The following FMO3 variants were observed in gnomAD, a reference collection of about 807,000 sequenced individuals.
The protein encoded by FMO3 is flavin containing dimethylaniline monoxygenase 3, also known as flavin-containing monooxygenase 3.
Under a neutral mutation model 39.4 loss-of-function variants are expected in FMO3, and 40 were observed. The ratio of observed to expected loss-of-function variants is 1.02; its 90% confidence interval spans 0.79 to 1.32. The LOEUF (loss-of-function observed/expected upper bound fraction) is 1.32. FMO3 is among the 40% of genes most tolerant of loss of function. The pLI, the probability that FMO3 is intolerant of heterozygous loss-of-function variation, is 0.00. For missense variants in FMO3, 680 were observed against 651.8 expected, an observed-to-expected ratio of 1.04 and a Z score of -0.47; for synonymous variants, 219 against 228.8, an observed-to-expected ratio of 0.96 and a Z score of 0.39.
chr1:171,110,178 C>T (rs973227564), intron 5 of FMO3, among the ~76,000 whole-genome samples: 3 of 152,126 alleles, frequency 2.0e-5, no homozygotes, highest in East Asian at 3.9e-4. Flanking sequence ...GGAGAGCCAG[C>T]GTTTGAGCGT....
chr1:171,107,419 T>C (rs779127358), intron 3 of FMO3, among the ~76,000 whole-genome samples: 6 of 152,194 alleles, frequency 3.9e-5, no homozygotes, highest in Middle Eastern at 3.2e-3. Context: ...TAAATTATAA[T>C]TGAATTCACT....
intron 2 of FMO3, among the ~76,000 whole-genome samples, chr1:171,098,090 C>G (rs1655187818): frequency 6.6e-6 from 1 of 152,172 alleles, no homozygotes; most frequent in African/African-American, 2.4e-5. Context: ...TGTCAAAGAT[C>G]AGATAGTTGT....
At chr1:171,099,216 G>C (rs999582367) in intron 2 of FMO3, among the ~76,000 whole-genome samples, 1 of 152,176 alleles carries the variant, frequency 6.6e-6, no homozygotes, top group African/African-American at 2.4e-5. Context: ...TTTTGAATGA[G>C]TTTCTTAATC....
rs760686614 is a variant in FMO3 at position 171,117,229 on chromosome 1, T to C, written c.1386T>C (p.Tyr462=). 1 of 1,614,164 alleles carries C rather than the reference T, an allele frequency of 6.2e-7. No individual in the cohort carries two copies. Among genetic ancestry groups the C allele is most frequent in the Admixed American group, 1.7e-5 (1 of 60,016 alleles). Residue 462 remains tyrosine (Y), a synonymous_variant, in exon 9 of 9, where the codon TAT becomes TAC. Transcript: ENST00000367755. ...ATCCCAAATTGGCCATGGAAGTTTA[T>C]TTTGGCCCTTGTAGTCCCTACCAGT... The part of the protein sequence containing the change: ...LTDPKLAMEV[Y]FGPCSPYQFR...
At chr1:171,115,232 A>C (rs1291774800) in intron 7 of FMO3, among the ~76,000 whole-genome samples, 3 of 152,168 alleles carry the variant, frequency 2.0e-5, no homozygotes, top group African/African-American at 7.2e-5. Context: ...AAACAAGGCA[A>C]TTTATGGGGA....
intron 2 of FMO3, among the ~76,000 whole-genome samples, chr1:171,102,637 A>C (rs560816032): frequency 1.3e-5 from 2 of 152,168 alleles, no homozygotes; most frequent in South Asian, 4.1e-4. Context: ...ACTTGCTGTC[A>C]ATTAAATCAA....
chr1:171,103,750 C>CCAATTCGCT, intron 2 of FMO3, 35 bp from the exon 3 acceptor site: 1 of 1,534,658 alleles, frequency 6.5e-7, no homozygotes, highest in African/African-American at 1.4e-5. Flanking sequence ...TACTCATTTA[C>CCAATTCGCT]CAATTCGCTT....
At chr1:171,115,814 G>T (rs116805194) in intron 7 of FMO3, among the ~76,000 whole-genome samples, 2,217 of 152,120 alleles carry the variant, frequency 0.015, 21 homozygotes, top group Middle Eastern at 0.041. Flanking sequence ...CACCAAATTC[G>T]ATATCTTATC....
At position 171,092,799 on chromosome 1, in the gene FMO3, C is replaced by G. The variant is rs377754673; in HGVS notation, c.132+9C>G. On this transcript the variant is annotated intron_variant, in intron 2 of 8. Coordinates refer to ENST00000367755, the MANE Select transcript of FMO3 (RefSeq NM_001002294.3). The stretch of plus-strand genomic sequence containing the variant: ...GCCTGTGGAAATTTTCAGTGAGTAG[C>G]ATGTTGTTGTAATAGACAGGAAAAT... 3.5e-5 allele frequency: 56 copies of G among 1,613,522 alleles called. No homozygotes were observed. The South Asian group carries it at 4.7e-4, about 14-fold the overall frequency.
In FMO3 at chr1:171,103,783, A is replaced by G. The variant is rs760256450; in HGVS notation, c.133-2A>G. ...CTTCCATTTGATACTATACATTCAC[A>G]GGACCATGCAGAGGAGGGCAGGGCT... On this transcript the variant is annotated splice_acceptor_variant, in intron 2 of 8. Coordinates refer to ENST00000367755, the MANE Select transcript of FMO3 (RefSeq NM_001002294.3). LOFTEE classifies it high-confidence loss of function. The G allele has an allele frequency of 4.3e-6, 7 of 1,611,238 alleles. No individual in the cohort carries two copies. In the South Asian group the frequency reaches 6.6e-5, roughly 15 times the overall value.
rs1446540671 is a variant in FMO3, at chr1:171,097,269, A to C, written c.132+4479A>C. On this transcript the variant is annotated intron_variant, in intron 2 of 8. Coordinates refer to ENST00000367755, the MANE Select transcript of FMO3 (RefSeq NM_001002294.3). ...TAAACATACGTGTGCATGTGTCTTT[A>C]TAGCAGCATGATTTATAGTCCTTTG... is the stretch of plus-strand genomic sequence containing the variant. Among the ~76,000 whole-genome samples, 11 of 128,772 alleles carry C rather than the reference A, an allele frequency of 8.5e-5. No homozygotes were observed. In the East Asian group the frequency reaches 1.0e-3, roughly 12 times the overall value. The allele number at this position is 128,772 out of a possible 152,430, so 84.5% of individuals were successfully genotyped here. A position where few individuals can be genotyped will look rare whatever the true frequency, so the allele number is the denominator to read the frequency against.
intron 2 of FMO3, among the ~76,000 whole-genome samples, chr1:171,096,081 A>ATTAATTAT: frequency 1.8e-5 from 1 of 56,018 alleles, no homozygotes. Flanking sequence ...TTAATATATA[A>ATTAATTAT]TATATATTAA....
intron 2 of FMO3, among the ~76,000 whole-genome samples, chr1:171,102,833 T>C (rs12072717): frequency 0.35 from 53,531 of 152,082 alleles, 10,344 homozygotes; most frequent in African/African-American, 0.5. Context: ...AGCATAGTTC[T>C]ATAATTCCTT....
rs1425028098 is a variant in FMO3, at chr1:171,107,778, C to A, written c.425C>A (p.Ala142Asp). The change falls in exon 4 of 9, where the codon GCT becomes GAT. Residue 142 changes from alanine to aspartate, a missense_variant. Transcript: ENST00000367755. Reference protein sequence around the residue: ...DGKKESAVFDAVMVCSGHHVY... With the variant: ...DGKKESAVFDDVMVCSGHHVY... ...AAAAAAGAATCGGCTGTCTTTGATG[C>A]TGTAATGGTTTGTTCCGGACATCAT... 1.5e-5 allele frequency: 24 copies of A among 1,613,826 alleles called. No homozygotes were observed. The highest frequency in any genetic ancestry group is 1.9e-5 in the Non-Finnish European group (23 of 1,179,914).
At chr1:171,096,051 T>TTAC (rs1557933139) in intron 2 of FMO3, among the ~76,000 whole-genome samples, 2 of 56,798 alleles carry the variant, frequency 3.5e-5, no homozygotes, top group African/African-American at 2.6e-4. Flanking sequence ...TATATATAAA[T>TTAC]ATATAATATA....
At chr1:171,109,047 T>C (rs1161480297) in intron 5 of FMO3, among the ~76,000 whole-genome samples, 1 of 152,144 alleles carries the variant, frequency 6.6e-6, no homozygotes, top group Non-Finnish European at 1.5e-5. Flanking sequence ...GGAATGGAGG[T>C]TCTTAATGCT....
intron 8 of FMO3, among the ~76,000 whole-genome samples, 178 bp downstream of exon 8, chr1:171,116,458 G>T (rs1045898947): frequency 2.6e-5 from 4 of 152,202 alleles, no homozygotes; most frequent in Non-Finnish European, 4.4e-5. Flanking sequence ...TTCTGACATT[G>T]TATTAAGTTC....
intron 2 of FMO3, among the ~76,000 whole-genome samples, chr1:171,093,207 T>C (rs2101893146): frequency 6.6e-6 from 1 of 152,236 alleles, no homozygotes; most frequent in South Asian, 2.1e-4. Flanking sequence ...TCTGGGCTTT[T>C]GTGTAGCCAT....
chr1:171,106,266 A>T (rs28363540), intron 3 of FMO3, among the ~76,000 whole-genome samples: 2,971 of 151,850 alleles, frequency 0.02, 40 homozygotes, highest in Middle Eastern at 0.051. Flanking sequence ...TCAGCCTCCC[A>T]AGTAGCTAGG....
Sources: gnomAD v4.1 joint callset for allele counts (sites outside exome capture counted in the v4.1 genomes callset) on GRCh38, gnomAD v4.1.1 for gene constraint, MANE v1.5 for transcripts, NCBI Gene and HGNC (gene_info 2026-07-23, HGNC 2026-07-21) for gene names.